The following KIF3C variants were observed in gnomAD, a reference collection of about 807,000 sequenced individuals.
The protein encoded by KIF3C is kinesin family member 3C.
Under a neutral mutation model 67.7 loss-of-function variants are expected in KIF3C, and 12 were observed. The ratio of observed to expected loss-of-function variants is 0.18; its 90% CI spans 0.11 to 0.29. The LOEUF is 0.29. KIF3C is among the 10% of genes least tolerant of loss of function. The pLI is 1.00. For synonymous variants in KIF3C, 393 were observed against 426.2 expected (o/e 0.92, Z 0.96); for missense variants, 789 against 1,059.6 (o/e 0.74, Z 3.55).
chr2:25,928,977 G>A lies in KIF3C; in HGVS notation c.*1C>T, dbSNP rs1574474773. On this transcript the variant is annotated 3_prime_UTR_variant, in exon 8 of 8. Coordinates refer to ENST00000264712, the MANE Select transcript of KIF3C (RefSeq NM_002254.8). Reference sequence around the variant, plus strand: ...GGATGGGCAGCCTGACGTGATGGTTGTCACTCATGGTCCGCCACTGTTGCA... The same window carrying A: ...GGATGGGCAGCCTGACGTGATGGTTATCACTCATGGTCCGCCACTGTTGCA... 6.2e-7 allele frequency: 1 copy of A among 1,612,366 alleles called. No individual in the cohort carries two copies. The highest frequency in any genetic ancestry group is 8.5e-7 in the Non-Finnish European group (1 of 1,179,452).
At chr2:25,960,683 T>C (rs1381302206) in intron 1 of KIF3C, among the ~76,000 whole-genome samples, 1 of 152,126 alleles carries the variant, frequency 6.6e-6, no homozygotes, top group Non-Finnish European at 1.5e-5. Flanking sequence ...ATGCCTGTAA[T>C]TGCAGCACTT....
rs757328526 is a variant in KIF3C, at chr2:25,958,653, C to CA, written c.1546-2210dup. Among the ~76,000 whole-genome samples the CA allele has an allele frequency of 4.6e-5, 7 of 152,206 alleles. No homozygotes were observed. Among genetic ancestry groups the CA allele is most frequent in the Non-Finnish European group, 1.0e-4 (7 of 68,036 alleles). ...GGCTTCAAACTACTGAATGGACCTC[C>CA]ATTCCTTACAGGATGAAATCCAAGG... On this transcript the variant is annotated intron_variant, in intron 1 of 7. Transcript: ENST00000264712. The surrounding 1 kb of genome is among the most constrained non-coding windows in gnomAD (Gnocchi z 4.5).
rs1301512114 is a variant in KIF3C, at chr2:25,929,613, G to C, written c.2116-136C>G. The C allele has an allele frequency of 5.9e-6, 4 of 673,550 alleles. No homozygotes were observed. The East Asian group carries it at 1.1e-4, about 18-fold the overall frequency. The allele number at this position is 673,550 out of a possible 1,614,324, so 41.7% of individuals were successfully genotyped here. ...AGGCTGTGAGCATCCCCTCCCATAG[G>C]CTCTTTTTTTTTTTTCTTCTGAGAT... On this transcript the variant is annotated intron_variant, in intron 6 of 7. Transcript: ENST00000264712.
In KIF3C at chr2:25,958,901, C is replaced by A. The variant is rs1025732197; in HGVS notation, c.1546-2457G>T. Among the ~76,000 whole-genome samples the A allele has an allele frequency of 2.4e-4, 37 of 152,158 alleles. No homozygotes were observed. Among genetic ancestry groups the A allele is most frequent in the African/African-American group, 8.4e-4 (35 of 41,510 alleles). On this transcript the variant is annotated intron_variant, in intron 1 of 7. Coordinates refer to ENST00000264712, the MANE Select transcript of KIF3C (RefSeq NM_002254.8). This position sits in a 1 kb window ranked among gnomAD's most constrained non-coding sequence, Gnocchi z 4.5. Reference sequence around the variant, plus strand: ...ACCAGTCTGACCAACATGGAGAAACCCCATCTCTACTAAAAATACAAAATT... The same window carrying A: ...ACCAGTCTGACCAACATGGAGAAACACCATCTCTACTAAAAATACAAAATT...
chr2:25,964,633 T>C (rs1430925135), intron 1 of KIF3C, among the ~76,000 whole-genome samples: 1 of 151,982 alleles, frequency 6.6e-6, no homozygotes, highest in Admixed American at 6.6e-5. Flanking sequence ...TGCCGGCTAA[T>C]TTTTTTGGTG....
intron 1 of KIF3C, among the ~76,000 whole-genome samples, chr2:25,975,802 C>G (rs1393739144): frequency 6.6e-6 from 1 of 151,900 alleles, no homozygotes; most frequent in Non-Finnish European, 1.5e-5. Flanking sequence ...ACTAAAAATA[C>G]AAAAAGTAAG....
Position 25,980,098 on chromosome 2 carries a change from A to G in KIF3C, c.1545+275T>C, listed in dbSNP as rs1664523795. Among the ~76,000 whole-genome samples the G allele has an allele frequency of 6.6e-6, 1 of 152,172 alleles. No homozygotes were observed. Among genetic ancestry groups the G allele is most frequent in the Non-Finnish European group, 1.5e-5 (1 of 68,014 alleles). On this transcript the variant is annotated intron_variant, in intron 1 of 7. Coordinates refer to ENST00000264712, the MANE Select transcript of KIF3C (RefSeq NM_002254.8). The surrounding 1 kb of genome is among the most constrained non-coding windows in gnomAD (Gnocchi z 7.6). ...ACTGATCCTGAGGCCACCAGCAGGA[A>G]ATGCCCACAGCAGGTCAGACCACCC...
chr2:25,981,129 C>T lies in KIF3C; in HGVS notation c.789G>A (p.Gly263=), dbSNP rs369457179. Residue 263 remains glycine (G), a synonymous_variant, in exon 1 of 8, where the codon GGG becomes GGA. Coordinates refer to ENST00000264712, the MANE Select transcript of KIF3C (RefSeq NM_002254.8). The surrounding 1 kb of genome is among the most constrained non-coding windows in gnomAD (Gnocchi z 8.2). ...QNKAGPNTAG[G]AATPSSGGGG... ...CGCCACCCGAGGATGGTGTGGCTGC[C>T]CCTCCCGCTGTGTTGGGGCCTGCCT... The T allele has an allele frequency of 1.9e-6, 3 of 1,613,978 alleles. No homozygotes were observed. The African/African-American group carries it at 4.0e-5, about 22-fold the overall frequency.
chr2:25,950,384 A>AT (rs1275761950), intron 5 of KIF3C, among the ~76,000 whole-genome samples: 7 of 147,036 alleles, frequency 4.8e-5, no homozygotes, highest in East Asian at 4.0e-4. Context: ...CGCCCAGCTA[A>AT]TTTTTTTTTG....
intron 1 of KIF3C, among the ~76,000 whole-genome samples, chr2:25,969,043 C>G (rs552361404): frequency 6.6e-6 from 1 of 152,084 alleles, no homozygotes. Context: ...AGGCTGGTCT[C>G]GAACTCCTGA....
intron 5 of KIF3C, among the ~76,000 whole-genome samples, chr2:25,947,855 G>T (rs1000914387): frequency 6.6e-6 from 1 of 152,040 alleles, no homozygotes; most frequent in African/African-American, 2.4e-5. Flanking sequence ...GTTTGCAATT[G>T]AAGTAAGGGT....
At chr2:25,977,586 G>C (rs1164964863) in intron 1 of KIF3C, among the ~76,000 whole-genome samples, 1 of 152,208 alleles carries the variant, frequency 6.6e-6, no homozygotes, top group African/African-American at 2.4e-5. Flanking sequence ...CTGTCCTGGA[G>C]ATCACTGGAC....
At chr2:25,944,660 C>G (rs990595499) in intron 5 of KIF3C, among the ~76,000 whole-genome samples, 3 of 152,174 alleles carry the variant, frequency 2.0e-5, no homozygotes, top group South Asian at 4.2e-4. Flanking sequence ...CTATAATTGC[C>G]TTTTACCCTA....
intron 1 of KIF3C, among the ~76,000 whole-genome samples, chr2:25,976,104 C>T (rs1449609079): frequency 6.6e-6 from 1 of 152,210 alleles, no homozygotes; most frequent in African/African-American, 2.4e-5. Context: ...GTCGCTCAGG[C>T]TTGAAACATT....
intron 1 of KIF3C, among the ~76,000 whole-genome samples, chr2:25,962,985 T>C (rs1199306204): frequency 1.9e-5 from 1 of 53,590 alleles, no homozygotes; most frequent in African/African-American, 1.3e-4. Flanking sequence ...ATATATAATA[T>C]ATAATATATA....
At chr2:25,959,813 C>G (rs1166056686) in intron 1 of KIF3C, among the ~76,000 whole-genome samples, 2 of 152,088 alleles carry the variant, frequency 1.3e-5, no homozygotes, top group African/African-American at 4.8e-5. Flanking sequence ...GCCCGATCAT[C>G]TGGGGAACCT....
intron 5 of KIF3C, among the ~76,000 whole-genome samples, chr2:25,937,933 T>C (rs1663175838): frequency 6.6e-6 from 1 of 151,402 alleles, no homozygotes; most frequent in South Asian, 2.1e-4. Context: ...CATGCACCTG[T>C]AGTCCCAGCT....
intron 1 of KIF3C, among the ~76,000 whole-genome samples, chr2:25,975,850 C>T (rs371815103): frequency 9.9e-5 from 15 of 151,776 alleles, no homozygotes; most frequent in African/African-American, 3.4e-4. Context: ...CCCAGCTACT[C>T]GGGAGGCTGA....
At chr2:25,962,983 TATATA>T (rs1664024799) in intron 1 of KIF3C, among the ~76,000 whole-genome samples, 1 of 51,604 alleles carries the variant, frequency 1.9e-5, no homozygotes, top group South Asian at 4.6e-4. Context: ...TAATATATAA[TATATA>T]ATATATATAA....
Sources: allele counts gnomAD v4.1 joint callset (sites outside exome capture counted in the v4.1 genomes callset), GRCh38; gene constraint gnomAD v4.1.1; non-coding constraint Gnocchi (gnomAD v3.1); transcripts MANE v1.5; gene names NCBI Gene and HGNC (gene_info 2026-07-23, HGNC 2026-07-21).